The following CCDC40 variants were observed in gnomAD, a reference collection of about 807,000 sequenced individuals.
CCDC40 encodes the protein coiled-coil domain 40 molecular ruler complex subunit.
Under a neutral mutation model 124.5 loss-of-function variants are expected in CCDC40, and 104 were observed. The ratio of observed to expected loss-of-function variants is 0.84; its 90% confidence interval spans 0.71 to 0.98. The LOEUF is 0.98. Among genes scored for constraint, CCDC40 ranks in the 50% least tolerant of loss-of-function variants. The pLI, the probability that CCDC40 is intolerant of heterozygous loss-of-function variation, is 0.00. For synonymous variants in CCDC40, 580 were observed against 602.9 expected (o/e 0.96, Z 0.56); for missense variants, 1,463 against 1,503.9 (o/e 0.97, Z 0.45).
At chr17:80,054,769 T>C (rs1258228531) in intron 7 of CCDC40, among the ~76,000 whole-genome samples, 1 of 151,784 alleles carries the variant, frequency 6.6e-6, no homozygotes, top group Non-Finnish European at 1.5e-5. Flanking sequence ...AGGTCAGGAG[T>C]TCGAGACCAG....
At chr17:80,071,029 C>A (rs1415378979) in intron 10 of CCDC40, among the ~76,000 whole-genome samples, 1 of 152,212 alleles carries the variant, frequency 6.6e-6, no homozygotes, top group Admixed American at 6.5e-5. Context: ...CGCAGCGGTC[C>A]AGGCAATCCA....
At chr17:80,045,393 C>G (rs1363185162) in intron 3 of CCDC40, among the ~76,000 whole-genome samples, 1 of 152,122 alleles carries the variant, frequency 6.6e-6, no homozygotes, top group East Asian at 1.9e-4. Context: ...TGTCAATAGT[C>G]GTAACTGCAA....
intron 9 of CCDC40, among the ~76,000 whole-genome samples, chr17:80,060,727 T>C (rs1228954063): frequency 6.6e-6 from 1 of 151,978 alleles, no homozygotes; most frequent in African/African-American, 2.4e-5. Context: ...GAGGCTAAAA[T>C]AATGTGTCAC....
intron 5 of CCDC40, among the ~76,000 whole-genome samples, chr17:80,048,989 C>T (rs2037506181): frequency 1.3e-5 from 2 of 152,098 alleles, no homozygotes; most frequent in African/African-American, 4.8e-5. Context: ...AACCACTGCC[C>T]CGTGGGGCCG....
chr17:80,039,308 A>C (rs945531779), intron 2 of CCDC40, among the ~76,000 whole-genome samples: 4 of 152,000 alleles, frequency 2.6e-5, no homozygotes, highest in Non-Finnish European at 5.9e-5. Flanking sequence ...TGGAAGTTGC[A>C]GTGAGCCGAG....
At chr17:80,077,327 C>G (rs1167110358) in intron 10 of CCDC40, among the ~76,000 whole-genome samples, 1 of 152,064 alleles carries the variant, frequency 6.6e-6, no homozygotes, top group East Asian at 1.9e-4. Flanking sequence ...TTGAGACCAG[C>G]CTGGGCAGCA....
intron 10 of CCDC40, among the ~76,000 whole-genome samples, chr17:80,078,890 C>T (rs2038376332): frequency 6.6e-6 from 1 of 150,478 alleles, no homozygotes; most frequent in South Asian, 2.1e-4. Flanking sequence ...AATATTAAAT[C>T]TTCTGCTTCA....
intron 17 of CCDC40, among the ~76,000 whole-genome samples, chr17:80,093,013 A>T (rs1397019569): frequency 6.6e-6 from 1 of 152,106 alleles, no homozygotes; most frequent in Non-Finnish European, 1.5e-5. Context: ...CTTCCTGAAA[A>T]GACTGCCCTT....
Position 80,040,192 on chromosome 17 carries a change from C to T in CCDC40, c.474C>T (p.Ser158=). The part of the protein sequence containing the change: ...PPESRERRVT[S]PEPSHGVLGP... ...AATCCAGAGAAAGGAGGGTCACCTC[C>T]CCAGAGCCATCCCACGGAGTCTTAG... The change falls in exon 3 of 20, where the codon TCC becomes TCT. Residue 158 remains serine (S), a synonymous_variant. Coordinates refer to ENST00000397545, the MANE Select transcript of CCDC40 (RefSeq NM_017950.4). 6.2e-7 allele frequency: 1 copy of T among 1,614,000 alleles called. No homozygotes were observed. Among genetic ancestry groups the T allele is most frequent in the Non-Finnish European group, 8.5e-7 (1 of 1,179,936 alleles).
At chr17:80,085,090 G>C (rs1199877609) in intron 13 of CCDC40, 102 bp downstream of exon 13, 2 of 1,412,518 alleles carry the variant, frequency 1.4e-6, no homozygotes, top group Non-Finnish European at 1.9e-6. Context: ...CTCCTGGAAG[G>C]CACAGAACTG....
intron 10 of CCDC40, among the ~76,000 whole-genome samples, chr17:80,071,981 C>T (rs1039899683): frequency 6.6e-6 from 1 of 151,940 alleles, no homozygotes; most frequent in African/African-American, 2.4e-5. Context: ...GGATTACAGA[C>T]ATGCACCACC....
Position 80,058,163 on chromosome 17 carries a change from A to G in CCDC40, c.1160-331A>G, listed in dbSNP as rs2037799730. On this transcript the variant is annotated intron_variant, in intron 7 of 19. Transcript: ENST00000397545. This position sits in a 1 kb window ranked among gnomAD's most constrained non-coding sequence, Gnocchi z 4.2. Reference sequence around the variant, plus strand: ...CTTTCAGTGGTAAGACATCTATGCAATCAACCCGAAGCCTTACCACCTGGC... The same window carrying G: ...CTTTCAGTGGTAAGACATCTATGCAGTCAACCCGAAGCCTTACCACCTGGC... Among the ~76,000 whole-genome samples the G allele has an allele frequency of 6.6e-6, 1 of 152,150 alleles. No homozygotes were observed. Among genetic ancestry groups the G allele is most frequent in the Non-Finnish European group, 1.5e-5 (1 of 68,014 alleles).
Position 80,058,746 on chromosome 17 carries a change from G to A in CCDC40, c.1317+95G>A, listed in dbSNP as rs1029811983. The A allele has an allele frequency of 2.8e-5, 45 of 1,604,714 alleles. No individual in the cohort carries two copies. The South Asian group carries it at 3.1e-4, about 11-fold the overall frequency. On this transcript the variant is annotated intron_variant, in intron 8 of 19. Coordinates refer to ENST00000397545, the MANE Select transcript of CCDC40 (RefSeq NM_017950.4). This position sits in a 1 kb window ranked among gnomAD's most constrained non-coding sequence, Gnocchi z 4.2. The stretch of plus-strand genomic sequence containing the variant: ...GCCTCCTGCGTGAAGGCTTCCGGCC[G>A]GAGGGGTGGCGGCCGGCCTGGGTGG...
intron 12 of CCDC40, 36 bp downstream of exon 12, chr17:80,082,094 C>T (rs1489691859): frequency 6.2e-7 from 1 of 1,600,724 alleles, no homozygotes; most frequent in South Asian, 1.1e-5. Context: ...TGTGCGAAGC[C>T]CCCTGCAGCC....
intron 10 of CCDC40, among the ~76,000 whole-genome samples, chr17:80,074,028 T>C (rs1420667642): frequency 6.6e-6 from 1 of 152,150 alleles, no homozygotes; most frequent in Non-Finnish European, 1.5e-5. Context: ...TTAAGCTTCA[T>C]GAGGAAGGCA....
chr17:80,063,470 G>A (rs2143668125), intron 9 of CCDC40, among the ~76,000 whole-genome samples: 2 of 152,222 alleles, frequency 1.3e-5, no homozygotes, highest in Middle Eastern at 3.4e-3. Context: ...GGCTGTGGCC[G>A]GCAGCCTCAG....
chr17:80,058,751 G>A lies in CCDC40; in HGVS notation c.1317+100G>A. The A allele has an allele frequency of 1.2e-6, 2 of 1,600,530 alleles. No individual in the cohort carries two copies. The highest frequency in any genetic ancestry group is 2.2e-5 in the East Asian group (1 of 44,816). ...CTGCGTGAAGGCTTCCGGCCGGAGG[G>A]GTGGCGGCCGGCCTGGGTGGCGTCA... On this transcript the variant is annotated intron_variant, in intron 8 of 19. Coordinates refer to ENST00000397545, the MANE Select transcript of CCDC40 (RefSeq NM_017950.4). The surrounding 1 kb of genome is among the most constrained non-coding windows in gnomAD (Gnocchi z 4.2).
chr17:80,053,654 G>A (rs565818382), intron 7 of CCDC40, among the ~76,000 whole-genome samples: 52 of 152,212 alleles, frequency 3.4e-4, no homozygotes, highest in Middle Eastern at 3.4e-3. Context: ...GTGCAGTGGC[G>A]TGATCTCAGC....
intron 18 of CCDC40, 79 bp downstream of exon 18, chr17:80,095,530 TG>T: frequency 7.1e-7 from 1 of 1,411,310 alleles, no homozygotes. Context: ...GGCGTCTTGC[TG>T]GGTCCGGGGT....
Sources: allele counts gnomAD v4.1 joint callset (sites outside exome capture counted in the v4.1 genomes callset), GRCh38; gene constraint gnomAD v4.1.1; non-coding constraint Gnocchi (gnomAD v3.1); transcripts MANE v1.5; gene names NCBI Gene and HGNC (gene_info 2026-07-23, HGNC 2026-07-21).